ZNF385C: variants seen among roughly 807,000 people sequenced by gnomAD.
ZNF385C encodes CTD-2132N18.2.
Under a neutral mutation model 35.4 loss-of-function variants are expected in ZNF385C, and 28 were observed. That is an observed-to-expected ratio of 0.79 (90% CI 0.59 to 1.08). The LOEUF is 1.08. Among genes scored for constraint, ZNF385C ranks in the 50% least tolerant of loss-of-function variants. ZNF385C has a pLI of 0.00. For synonymous variants in ZNF385C, 248 were observed against 248.2 expected, an observed-to-expected ratio of 1.00 and a Z score of 0.01; for missense variants, 605 against 595.6, an observed-to-expected ratio of 1.02 and a Z score of -0.16.
At chr17:42,083,003 G>A (rs1243153210) in intron 1 of ZNF385C, among the ~76,000 whole-genome samples, 1 of 152,028 alleles carries the variant, frequency 6.6e-6, no homozygotes, top group African/African-American at 2.4e-5. Flanking sequence ...CATGAACCCG[G>A]GAGGTGGAGG....
intron 1 of ZNF385C, among the ~76,000 whole-genome samples, chr17:42,068,072 C>T (rs2053573479): frequency 6.6e-6 from 1 of 152,170 alleles, no homozygotes; most frequent in Admixed American, 6.5e-5. Context: ...CCTGCTGCAG[C>T]CTGCCCTGCC....
At chr17:42,064,751 G>A (rs2053523293) in intron 1 of ZNF385C, among the ~76,000 whole-genome samples, 1 of 152,066 alleles carries the variant, frequency 6.6e-6, no homozygotes, top group Non-Finnish European at 1.5e-5. Context: ...TTTTAGTAGA[G>A]ACAGTGTTTT....
intron 2 of ZNF385C, chr17:42,038,276 AG>A (rs1555655696): frequency 3.7e-6 from 2 of 542,954 alleles, no homozygotes; most frequent in East Asian, 3.2e-5. Context: ...ACTCAAACCC[AG>A]GGGTATTAGG....
intron 2 of ZNF385C, among the ~76,000 whole-genome samples, chr17:42,046,551 G>C (rs1457377674): frequency 6.6e-6 from 1 of 152,082 alleles, no homozygotes; most frequent in African/African-American, 2.4e-5. Flanking sequence ...AGTGAGCTAT[G>C]ATCATGCCAC....
intron 1 of ZNF385C, among the ~76,000 whole-genome samples, chr17:42,086,898 G>A (rs2053815479): frequency 6.9e-6 from 1 of 144,376 alleles, no homozygotes; most frequent in African/African-American, 2.6e-5. Context: ...GCGTGATCTT[G>A]GCTCACTGCA....
chr17:42,075,192 C>T (rs145612143), intron 1 of ZNF385C, among the ~76,000 whole-genome samples: 112 of 152,270 alleles, frequency 7.4e-4, no homozygotes, highest in African/African-American at 2.2e-3. Context: ...TGGTCACCTC[C>T]TCCAGGAAGC....
In ZNF385C at chr17:42,058,430, G is replaced by A. The variant is rs72820862; in HGVS notation, c.250+4377C>T. 5.1e-3 allele frequency among the ~76,000 whole-genome samples: 775 copies of A among 152,356 alleles called. 2 individuals are homozygous for A. Among genetic ancestry groups the A allele is most frequent in the Non-Finnish European group, 9.0e-3 (610 of 68,036 alleles). On this transcript the variant is annotated intron_variant, in intron 2 of 8. Transcript: ENST00000692273. ...CTAGGACCAATGCAGCGCATTCAAG[G>A]CTGCCCACACTTAGCCTCAGCCTCC...
intron 1 of ZNF385C, among the ~76,000 whole-genome samples, chr17:42,084,469 A>G (rs191132290): frequency 1.3e-5 from 2 of 152,306 alleles, no homozygotes; most frequent in East Asian, 3.9e-4. Context: ...AAGCCTTTTT[A>G]AACTAAATAG....
chr17:42,071,720 C>T (rs894213490), intron 1 of ZNF385C, among the ~76,000 whole-genome samples: 1 of 152,168 alleles, frequency 6.6e-6, no homozygotes, highest in South Asian at 2.1e-4. Flanking sequence ...CGGCCCCATG[C>T]CCCCTCCTAG....
intron 1 of ZNF385C, among the ~76,000 whole-genome samples, chr17:42,066,019 C>T (rs58590958): frequency 0.054 from 8,218 of 151,934 alleles, 320 homozygotes; most frequent in African/African-American, 0.11. Flanking sequence ...ATATGCTTCT[C>T]GGTGCCCTAC....
At chr17:42,080,791 G>C (rs1422805422) in intron 1 of ZNF385C, among the ~76,000 whole-genome samples, 1 of 152,202 alleles carries the variant, frequency 6.6e-6, no homozygotes, top group East Asian at 1.9e-4. Context: ...AACATGTCCT[G>C]TGCCCCCCAG....
Position 42,027,011 on chromosome 17 carries a change from G to C in ZNF385C, c.1398C>G (p.Ala466=), listed in dbSNP as rs782634263. The change falls in exon 9 of 9, where the codon GCC becomes GCG. Residue 466 remains alanine (A), a synonymous_variant. Coordinates refer to ENST00000692273, the MANE Select transcript of ZNF385C (RefSeq NM_001392013.1). ...ALPGPLALRP[A]PTAATTLFPA... ...GGAAGAGGGTAGTGGCTGCTGTAGG[G>C]GCAGGGCGGAGGGCCAGGGGCCCTG... is the stretch of plus-strand genomic sequence containing the variant. 6.2e-7 allele frequency: 1 copy of C among 1,609,174 alleles called. No homozygotes were observed. The highest frequency in any genetic ancestry group is 8.5e-7 in the Non-Finnish European group (1 of 1,177,558).
intron 7 of ZNF385C, 33 bp from the exon 8 acceptor site, chr17:42,027,761 T>A: frequency 6.2e-7 from 1 of 1,602,350 alleles, no homozygotes. Flanking sequence ...GGGAACAAGA[T>A]GACAAAGCCC....
chr17:42,088,402 G>A (rs797043161), intron 1 of ZNF385C, among the ~76,000 whole-genome samples: 1 of 152,260 alleles, frequency 6.6e-6, no homozygotes, highest in African/African-American at 2.4e-5. Context: ...CACTGACAGA[G>A]GCCCCTTTGT....
rs1555660905 is a variant in ZNF385C at position 42,095,855 on chromosome 17, G to T, written c.-3+2555C>A. ...TCACAGGCCCAGCCAGGCCCACCTG[G>T]AACACTCACAGGGCCTGGGGCAAGG... is the stretch of plus-strand genomic sequence containing the variant. On this transcript the variant is annotated intron_variant, in intron 1 of 8. Transcript: ENST00000692273. This position sits in a 1 kb window ranked among gnomAD's most constrained non-coding sequence, Gnocchi z 4.4. 6.6e-6 allele frequency among the ~76,000 whole-genome samples: 1 copy of T among 152,068 alleles called. No homozygotes were observed. Among genetic ancestry groups the T allele is most frequent in the African/African-American group, 2.4e-5 (1 of 41,376 alleles).
At chr17:42,078,843 T>C (rs1213569567) in intron 1 of ZNF385C, among the ~76,000 whole-genome samples, 1 of 151,848 alleles carries the variant, frequency 6.6e-6, no homozygotes, top group Non-Finnish European at 1.5e-5. Flanking sequence ...GCGGGTGTAA[T>C]TTGGAGGGAC....
At chr17:42,089,534 A>G (rs1194604408) in intron 1 of ZNF385C, among the ~76,000 whole-genome samples, 1 of 152,028 alleles carries the variant, frequency 6.6e-6, no homozygotes, top group Non-Finnish European at 1.5e-5. Flanking sequence ...ACAACTCTCC[A>G]CCTAAAAATA....
chr17:42,072,699 G>T (rs1242351365), intron 1 of ZNF385C, among the ~76,000 whole-genome samples: 3 of 151,702 alleles, frequency 2.0e-5, no homozygotes, highest in African/African-American at 4.8e-5. Context: ...GCGGCCCGAC[G>T]GGAGCAGGTG....
intron 1 of ZNF385C, among the ~76,000 whole-genome samples, chr17:42,075,042 C>T (rs980297411): frequency 2.0e-5 from 3 of 152,072 alleles, no homozygotes; most frequent in East Asian, 3.9e-4. Context: ...GCATAATGGT[C>T]GTAGATCTGC....
Sources: gnomAD v4.1 joint callset for allele counts (sites outside exome capture counted in the v4.1 genomes callset) on GRCh38, gnomAD v4.1.1 for gene constraint, Gnocchi (gnomAD v3.1) non-coding constraint, MANE v1.5 for transcripts, NCBI Gene and HGNC (gene_info 2026-07-23, HGNC 2026-07-21) for gene names.